The following PPP3CC variants were observed in gnomAD, a reference collection of about 807,000 sequenced individuals.
The protein encoded by PPP3CC is protein phosphatase 3 catalytic subunit gamma.
Under a neutral mutation model 60.3 loss-of-function variants are expected in PPP3CC, and 35 were observed. The ratio of observed to expected loss-of-function variants is 0.58; its 90% confidence interval spans 0.44 to 0.77. The LOEUF is 0.77. Among genes scored for constraint, PPP3CC ranks in the 30% least tolerant of loss-of-function variants. The pLI is 0.00. For missense variants in PPP3CC, 570 were observed against 628.9 expected, an observed-to-expected ratio of 0.91 and a Z score of 1.00; for synonymous variants, 206 against 224.3, an observed-to-expected ratio of 0.92 and a Z score of 0.73.
intron 1 of PPP3CC, among the ~76,000 whole-genome samples, chr8:22,472,363 AACACACACACACACACACACAC>A (rs71546810): frequency 1.5e-3 from 193 of 125,716 alleles, no homozygotes; most frequent in African/African-American, 5.5e-3. Context: ...GGTAAAAATG[AACACACACACACACACACACAC>A]ACACACACAC....
At chr8:22,519,746 C>G (rs966126378) in intron 6 of PPP3CC, among the ~76,000 whole-genome samples, 5 of 152,164 alleles carry the variant, frequency 3.3e-5, no homozygotes, top group Non-Finnish European at 7.4e-5. Context: ...CCTCTGCCTC[C>G]CGGGTTCAAG....
At chr8:22,466,581 A>T (rs1837528903) in intron 1 of PPP3CC, among the ~76,000 whole-genome samples, 1 of 152,196 alleles carries the variant, frequency 6.6e-6, no homozygotes, top group African/African-American at 2.4e-5. Flanking sequence ...ACCAGTGATG[A>T]TGAGCATTTT....
At chr8:22,525,927 G>T (rs1191193572) in intron 8 of PPP3CC, among the ~76,000 whole-genome samples, 2 of 150,948 alleles carry the variant, frequency 1.3e-5, no homozygotes, top group African/African-American at 4.9e-5. Context: ...GAGTGCAGTG[G>T]TGCGGTCTTG....
intron 3 of PPP3CC, among the ~76,000 whole-genome samples, chr8:22,490,205 G>A (rs1249432480): frequency 6.6e-6 from 1 of 152,114 alleles, no homozygotes; most frequent in Non-Finnish European, 1.5e-5. Flanking sequence ...ATATGGTGCT[G>A]TCCAGTGGTC....
chr8:22,490,070 A>G (rs1164216038), intron 3 of PPP3CC, among the ~76,000 whole-genome samples: 2 of 151,772 alleles, frequency 1.3e-5, no homozygotes, highest in Admixed American at 6.6e-5. Context: ...TGATCTACCC[A>G]CCTTGGCCTC....
chr8:22,452,475 A>G (rs1837064249), intron 1 of PPP3CC, among the ~76,000 whole-genome samples: 1 of 151,484 alleles, frequency 6.6e-6, no homozygotes, highest in Non-Finnish European at 1.5e-5. Context: ...TCAGTCAGAC[A>G]TACCTGGATT....
At chr8:22,478,564 A>G (rs1837968420) in intron 3 of PPP3CC, among the ~76,000 whole-genome samples, 1 of 152,248 alleles carries the variant, frequency 6.6e-6, no homozygotes, top group South Asian at 2.1e-4. Context: ...TAAAGCACAT[A>G]GAAAATATCA....
At chr8:22,500,663 T>C (rs1838735239) in intron 4 of PPP3CC, among the ~76,000 whole-genome samples, 1 of 152,148 alleles carries the variant, frequency 6.6e-6, no homozygotes, top group Admixed American at 6.5e-5. Context: ...TCCCTCCTAG[T>C]AGAGCCTCAA....
At chr8:22,455,721 A>C (rs1837176148) in intron 1 of PPP3CC, among the ~76,000 whole-genome samples, 1 of 152,064 alleles carries the variant, frequency 6.6e-6, no homozygotes, top group African/African-American at 2.4e-5. Flanking sequence ...TTTTTAGCTA[A>C]TACTTTGAAA....
In PPP3CC at chr8:22,513,407, G is replaced by A; in HGVS notation, c.745G>A (p.Val249Ile). 3 of 1,607,974 alleles carry A rather than the reference G, an allele frequency of 1.9e-6. No homozygotes were observed. In the Admixed American group the frequency reaches 5.1e-5, roughly 27 times the overall value. The change falls in exon 6 of 14, where the codon GTC (valine) becomes ATC (isoleucine). Residue 249 changes from valine (V) to isoleucine (I), a missense_variant. Val to Ile is a conservative substitution (Grantham distance 29, BLOSUM62 3). Coordinates refer to ENST00000240139, the MANE Select transcript of PPP3CC (RefSeq NM_005605.5). ...CTTGGAGCACTATACCCACAACACT[G>A]TCCGAGGGTGCTCTTATTTCTACAG... is the stretch of plus-strand genomic sequence containing the variant. ...KTLEHYTHNT[V>I]RGCSYFYSYP... is the part of the protein sequence containing the mutation.
At chr8:22,531,253 A>G (rs1839708298) in intron 10 of PPP3CC, 5 of 1,483,384 alleles carry the variant, frequency 3.4e-6, no homozygotes, top group Admixed American at 2.0e-5. Context: ...TTCTCTTCTC[A>G]TATTTCTGTC....
At position 22,511,103 on chromosome 8, in the gene PPP3CC, G is replaced by A. The variant is rs376449000; in HGVS notation, c.502G>A (p.Glu168Lys). The A allele has an allele frequency of 9.9e-6, 16 of 1,613,736 alleles. No individual in the cohort carries two copies. The African/African-American group carries it at 1.7e-4, about 18-fold the overall frequency. The change falls in exon 5 of 14, where the codon GAA becomes AAA. Residue 168 changes from glutamate (E) to lysine (K), a missense_variant. Transcript: ENST00000240139. ...FKQECRIKYS[E>K]QVYDACMETF... ...TTTGTTAGGTCGAATCAAATATTCG[G>A]AACAGGTGTATGATGCCTGTATGGA...
intron 4 of PPP3CC, among the ~76,000 whole-genome samples, chr8:22,505,679 T>C (rs1838894996): frequency 6.6e-6 from 1 of 152,198 alleles, no homozygotes; most frequent in Non-Finnish European, 1.5e-5. Context: ...TTATTTAATA[T>C]AAGTTCTACA....
At chr8:22,484,432 G>C (rs892371981) in intron 3 of PPP3CC, among the ~76,000 whole-genome samples, 8 of 152,050 alleles carry the variant, frequency 5.3e-5, no homozygotes, top group Middle Eastern at 3.2e-3. Flanking sequence ...TCATGAAATA[G>C]TAAAACACTC....
chr8:22,535,235 T>G (rs1387005614), intron 12 of PPP3CC, among the ~76,000 whole-genome samples: 2 of 152,178 alleles, frequency 1.3e-5, no homozygotes, highest in African/African-American at 4.8e-5. Flanking sequence ...AGAGTACCAA[T>G]TCTGAAATTT....
chr8:22,512,927 T>G (rs1223916962), intron 5 of PPP3CC, among the ~76,000 whole-genome samples: 1 of 152,016 alleles, frequency 6.6e-6, no homozygotes, highest in Non-Finnish European at 1.5e-5. Context: ...AAATACAAAA[T>G]TAGCCGGGTG....
chr8:22,525,562 CTT>C (rs1293219319), intron 8 of PPP3CC, among the ~76,000 whole-genome samples: 1 of 142,042 alleles, frequency 7.0e-6, no homozygotes, highest in East Asian at 2.0e-4. Context: ...CTCTCTCTTT[CTT>C]TCTCTCTCTC....
chr8:22,479,296 C>T (rs1837991081), intron 3 of PPP3CC, among the ~76,000 whole-genome samples: 1 of 152,060 alleles, frequency 6.6e-6, no homozygotes, highest in Non-Finnish European at 1.5e-5. Context: ...TTCTACAAAT[C>T]AGAGATAATC....
In PPP3CC at chr8:22,454,200, G is replaced by T. The variant is rs558876447; in HGVS notation, c.49+12742G>T. 2.6e-5 allele frequency among the ~76,000 whole-genome samples: 4 copies of T among 152,072 alleles called. No individual in the cohort carries two copies. The South Asian group carries it at 8.3e-4, about 32-fold the overall frequency. Reference sequence around the variant, plus strand: ...TATCCTTATTCTTATAAGCTTTTACGATTTCAAACATTTCTTATTTTTAAA... The same window carrying T: ...TATCCTTATTCTTATAAGCTTTTACTATTTCAAACATTTCTTATTTTTAAA... On this transcript the variant is annotated intron_variant, in intron 1 of 13. Transcript: ENST00000240139.
Sources: allele counts gnomAD v4.1 joint callset (sites outside exome capture counted in the v4.1 genomes callset), GRCh38; gene constraint gnomAD v4.1.1; transcripts MANE v1.5; gene names NCBI Gene and HGNC (gene_info 2026-07-23, HGNC 2026-07-21).